CFAP210: variants seen among roughly 807,000 people sequenced by gnomAD.
The protein encoded by CFAP210 is cilia and flagella associated protein 210.
the CFAP210 span, among the ~76,000 whole-genome samples, chr2:169,651,244 A>AAT: frequency 6.9e-6 from 1 of 144,566 alleles, no homozygotes; most frequent in Non-Finnish European, 1.5e-5. Flanking sequence ...AAAAAAAAAA[A>AAT]TTTAGCCAAG....
At chr2:169,675,132 GT>G in the CFAP210 span, 2 of 931,688 alleles carry the variant, frequency 2.1e-6, no homozygotes, top group Non-Finnish European at 2.9e-6. Context: ...GAGCTTTTAT[GT>G]TTTTATTGTA....
the CFAP210 span, among the ~76,000 whole-genome samples, chr2:169,693,212 C>G: frequency 2.0e-5 from 3 of 152,228 alleles, no homozygotes; most frequent in African/African-American, 7.2e-5. Flanking sequence ...TAGCCTTCCC[C>G]TAAAAATGGA....
chr2:169,650,422 T>C, the CFAP210 span: 1 of 1,608,456 alleles, frequency 6.2e-7, no homozygotes. Flanking sequence ...CCTCAGCTTC[T>C]GCAATATCTC....
chr2:169,678,563 G>A, the CFAP210 span, among the ~76,000 whole-genome samples: 2 of 151,978 alleles, frequency 1.3e-5, no homozygotes, highest in Admixed American at 6.6e-5. Flanking sequence ...AGTGTCTCAC[G>A]CCTGTAATCC....
the CFAP210 span, chr2:169,646,190 GGAAA>G: frequency 2.5e-6 from 4 of 1,579,066 alleles, no homozygotes; most frequent in African/African-American, 4.1e-5. Context: ...GGCCTATTTG[GGAAA>G]GAAAGGAAAT....
At chr2:169,674,070 G>A in the CFAP210 span, among the ~76,000 whole-genome samples, 2 of 152,226 alleles carry the variant, frequency 1.3e-5, no homozygotes, top group African/African-American at 4.8e-5. Context: ...TTAGACTGAT[G>A]GAAGGCCAAG....
chr2:169,657,424 A>G, the CFAP210 span, among the ~76,000 whole-genome samples: 1 of 152,192 alleles, frequency 6.6e-6, no homozygotes, highest in Non-Finnish European at 1.5e-5. Flanking sequence ...AGAAAAAGAA[A>G]AAAAGAAAAA....
chr2:169,689,492 T>C, the CFAP210 span, among the ~76,000 whole-genome samples: 3 of 152,220 alleles, frequency 2.0e-5, no homozygotes, highest in Non-Finnish European at 4.4e-5. Context: ...CTAAACTTTA[T>C]TAGATCTTAT....
the CFAP210 span, among the ~76,000 whole-genome samples, chr2:169,659,997 T>G: frequency 2.0e-5 from 3 of 152,166 alleles, no homozygotes; most frequent in African/African-American, 7.2e-5. Context: ...AGTTGTAATG[T>G]CTCATTTTTC....
At chr2:169,658,307 C>T in the CFAP210 span, 1 of 152,370 alleles carries the variant, frequency 6.6e-6, no homozygotes, top group African/African-American at 2.4e-5. Flanking sequence ...CATTTTGTGG[C>T]AGCACATGAA....
chr2:169,649,280 T>C, the CFAP210 span: 16 of 1,613,910 alleles, frequency 9.9e-6, no homozygotes, highest in Non-Finnish European at 1.0e-5. Flanking sequence ...TCTGCTTTCA[T>C]GACAGCCAGC....
the CFAP210 span, chr2:169,654,067 A>G: frequency 6.2e-7 from 1 of 1,605,364 alleles, no homozygotes. Context: ...CACATTATTA[A>G]AGCCTACCTG....
At chr2:169,655,343 T>C in the CFAP210 span, among the ~76,000 whole-genome samples, 4 of 152,142 alleles carry the variant, frequency 2.6e-5, no homozygotes, top group Admixed American at 6.5e-5. Flanking sequence ...GTAAAAGTTG[T>C]TAGGGGCATC....
chr2:169,654,874 C>T, the CFAP210 span, among the ~76,000 whole-genome samples: 5 of 152,014 alleles, frequency 3.3e-5, no homozygotes, highest in Admixed American at 1.3e-4. Context: ...GTGTAGCGAG[C>T]GTCCTTCCAC....
the CFAP210 span, among the ~76,000 whole-genome samples, chr2:169,690,143 G>A: frequency 6.6e-6 from 1 of 152,062 alleles, no homozygotes; most frequent in Non-Finnish European, 1.5e-5. Context: ...CAAGTAGCTG[G>A]GAGGTGTGTG....
chr2:169,662,181 C>A, the CFAP210 span: 1 of 1,274,648 alleles, frequency 7.8e-7, no homozygotes, highest in Middle Eastern at 2.2e-4. Context: ...CAAAATACCA[C>A]ATGTACTCCA....
the CFAP210 span, among the ~76,000 whole-genome samples, chr2:169,680,604 T>C: frequency 6.6e-6 from 1 of 152,186 alleles, no homozygotes; most frequent in Non-Finnish European, 1.5e-5. Flanking sequence ...AAATTAACAA[T>C]TGATACCCAC....
At chr2:169,660,848 C>T in the CFAP210 span, 4 of 279,234 alleles carry the variant, frequency 1.4e-5, no homozygotes, top group Non-Finnish European at 2.8e-5. Flanking sequence ...AGAGATCTGC[C>T]TGCCTTAGCC....
chr2:169,660,599 TATA>T, the CFAP210 span, among the ~76,000 whole-genome samples: 1 of 104,954 alleles, frequency 9.5e-6, no homozygotes, highest in Non-Finnish European at 2.0e-5. Flanking sequence ...TATATATATA[TATA>T]TATTTTTTTT....
Sources: gnomAD v4.1 joint callset for allele counts (sites outside exome capture counted in the v4.1 genomes callset) on GRCh38, gnomAD v4.1.1 for gene constraint, MANE v1.5 for transcripts, NCBI Gene and HGNC (gene_info 2026-07-23, HGNC 2026-07-21) for gene names.